The following RTN4 variants were observed in gnomAD, a reference collection of about 807,000 sequenced individuals.
RTN4 encodes the protein reticulon 4.
RTN4 carries 32 observed loss-of-function variants against 90.4 expected under a neutral mutation model. The observed-to-expected ratio is 0.35, with a 90% CI of 0.27 to 0.48. The LOEUF (loss-of-function observed/expected upper bound fraction) is 0.48. RTN4 is among the 20% of genes least tolerant of loss of function. RTN4 has a pLI of 0.99. For missense variants in RTN4, 1,706 were observed against 1,430.2 expected (o/e 1.19, Z -3.11); for synonymous variants, 629 against 552.5 (o/e 1.14, Z -1.94).
chr2:55,052,278 TTAA>T (rs1250877776), upstream of RTN4, among the ~76,000 whole-genome samples: 1 of 152,176 alleles, frequency 6.6e-6, no homozygotes, highest in Admixed American at 6.5e-5. Context: ...ATGCGTTATG[TTAA>T]TAATAATAGA....
At chr2:55,100,359 A>G (rs1420883282) in intron 1 of RTN4, among the ~76,000 whole-genome samples, 1 of 152,140 alleles carries the variant, frequency 6.6e-6, no homozygotes, top group Non-Finnish European at 1.5e-5. Context: ...TTTCTAATCA[A>G]ACTGGTAGAA....
chr2:55,080,213 T>G (rs1245592531), intron 2 of RTN4, among the ~76,000 whole-genome samples: 1 of 152,008 alleles, frequency 6.6e-6, no homozygotes, highest in East Asian at 1.9e-4. Flanking sequence ...AGATGGGGTC[T>G]CGCCATGTCA....
At chr2:55,135,773 T>C in the RTN4 span, among the ~76,000 whole-genome samples, 1 of 152,204 alleles carries the variant, frequency 6.6e-6, no homozygotes, top group Non-Finnish European at 1.5e-5. Context: ...GATCTGCATA[T>C]GGAGTTTGCA....
rs1680724913 is a variant in RTN4, at chr2:55,012,596, T to C, written c.3013+12490A>G. Reference sequence around the variant, plus strand: ...TATGTTTATTATGAAAATCATATAATCTCTACTAAAAATAGAAGGCTTTAG... The same window carrying C: ...TATGTTTATTATGAAAATCATATAACCTCTACTAAAAATAGAAGGCTTTAG... On this transcript the variant is annotated intron_variant, in intron 3 of 8. Coordinates refer to ENST00000337526, the MANE Select transcript of RTN4 (RefSeq NM_020532.5). 2.0e-5 allele frequency among the ~76,000 whole-genome samples: 3 copies of C among 152,180 alleles called. No individual in the cohort carries two copies. In the South Asian group the frequency reaches 6.2e-4, roughly 31 times the overall value.
chr2:55,081,429 T>C (rs745413966), intron 1 of RTN4, among the ~76,000 whole-genome samples: 4 of 152,172 alleles, frequency 2.6e-5, no homozygotes, highest in Non-Finnish European at 4.4e-5. Context: ...AAACTTACTC[T>C]GTCTAATTTA....
chr2:55,095,077 A>T (rs1323554539), intron 1 of RTN4, among the ~76,000 whole-genome samples: 3 of 152,132 alleles, frequency 2.0e-5, no homozygotes, highest in African/African-American at 4.8e-5. Flanking sequence ...TAATCGCAGC[A>T]CTTGGAAGGC....
intron 1 of RTN4, among the ~76,000 whole-genome samples, chr2:55,039,855 G>A (rs1372871767): frequency 1.3e-5 from 2 of 152,144 alleles, no homozygotes; most frequent in South Asian, 2.1e-4. Flanking sequence ...CATTTTAACC[G>A]TAGTTTTACC....
chr2:55,010,088 C>G (rs1387001274), intron 3 of RTN4: 2 of 1,613,406 alleles, frequency 1.2e-6, no homozygotes, highest in African/African-American at 2.7e-5. Flanking sequence ...CAGATATACC[C>G]TTGTCCTTCC....
At chr2:55,052,669 C>T (rs965090851), upstream of RTN4, among the ~76,000 whole-genome samples, 1 of 152,152 alleles carries the variant, frequency 6.6e-6, no homozygotes, top group East Asian at 1.9e-4. Flanking sequence ...CTACAAGAGA[C>T]ATATTTGAAG....
intron 1 of RTN4, among the ~76,000 whole-genome samples, chr2:55,101,746 G>A (rs1021165953): frequency 6.6e-6 from 1 of 152,040 alleles, no homozygotes; most frequent in African/African-American, 2.4e-5. Flanking sequence ...CTGGAGCATA[G>A]GAATTATTAA....
chr2:55,030,587 A>C (rs1381539492), intron 1 of RTN4, among the ~76,000 whole-genome samples: 4 of 152,198 alleles, frequency 2.6e-5, no homozygotes, highest in Non-Finnish European at 4.4e-5. Flanking sequence ...TAAGGATAAT[A>C]AGAGTACCCA....
chr2:55,026,653 C>A lies in RTN4; in HGVS notation c.1446G>T (p.Leu482Phe). The A allele has an allele frequency of 6.2e-7, 1 of 1,612,970 alleles. No homozygotes were observed. The highest frequency in any genetic ancestry group is 2.2e-5 in the East Asian group (1 of 44,858). The change falls in exon 3 of 9, where the codon TTG becomes TTT. Residue 482 changes from leucine (L) to phenylalanine (F), a missense_variant. Physicochemically the swap from Leu to Phe is conservative, Grantham distance 22. Transcript: ENST00000337526. The part of the protein sequence containing the change: ...TESIATNIFP[L>F]LGDPTSENKT... ...TATTTTCTGAAGTAGGATCTCCTAACAAAGGAAAAATGTTTGTTGCAATGC... is the reference window on the plus strand; with the variant it reads ...TATTTTCTGAAGTAGGATCTCCTAAAAAAGGAAAAATGTTTGTTGCAATGC...
the RTN4 span, among the ~76,000 whole-genome samples, chr2:55,128,053 G>C: frequency 1.3e-5 from 2 of 151,610 alleles, no homozygotes; most frequent in Non-Finnish European, 2.9e-5. Flanking sequence ...ATTTTTTGTA[G>C]AGGCGAGATC....
chr2:55,025,024 T>C, intron 3 of RTN4, 62 bp downstream of exon 3: 1 of 1,518,942 alleles, frequency 6.6e-7, no homozygotes, highest in Non-Finnish European at 8.8e-7. Flanking sequence ...CAAAATGTAG[T>C]GGAATGTTCC....
chr2:55,056,304 C>T (rs1037154783), intron 2 of RTN4, among the ~76,000 whole-genome samples: 6 of 152,176 alleles, frequency 3.9e-5, no homozygotes, highest in African/African-American at 9.6e-5. Context: ...GGGATCAGAT[C>T]GGCTGTCATG....
At chr2:55,131,004 T>C in the RTN4 span, among the ~76,000 whole-genome samples, 647 of 152,284 alleles carry the variant, frequency 4.2e-3, 4 homozygotes, top group Middle Eastern at 0.027. Flanking sequence ...CCATCTGTCT[T>C]CAGTGTACAA....
chr2:55,109,158 A>G (rs183594042), intron 1 of RTN4, among the ~76,000 whole-genome samples: 18 of 152,268 alleles, frequency 1.2e-4, no homozygotes, highest in African/African-American at 4.3e-4. Context: ...CTGAAATGAA[A>G]AAAACAGTTA....
intron 3 of RTN4, among the ~76,000 whole-genome samples, chr2:54,993,689 C>T (rs1039971563): frequency 6.6e-6 from 1 of 152,156 alleles, no homozygotes; most frequent in Non-Finnish European, 1.5e-5. Flanking sequence ...GGTATCATGA[C>T]AGACATACTG....
chr2:55,055,467 A>G (rs773390962), upstream of RTN4, among the ~76,000 whole-genome samples: 2 of 152,146 alleles, frequency 1.3e-5, no homozygotes, highest in South Asian at 4.1e-4. Context: ...CATTGATTCA[A>G]CTAAAACCAA....
Sources: gnomAD v4.1 joint callset for allele counts (sites outside exome capture counted in the v4.1 genomes callset) on GRCh38, gnomAD v4.1.1 for gene constraint, MANE v1.5 for transcripts, NCBI Gene and HGNC (gene_info 2026-07-23, HGNC 2026-07-21) for gene names.